Variants in PKD1L1 observed in about 807,000 individuals in gnomAD.
PKD1L1 encodes polycystin 1 like 1, transient receptor potential channel interacting.
A neutral mutation model predicts 323.4 loss-of-function variants in PKD1L1; 236 were observed. The observed-to-expected ratio is 0.73, with a 90% CI of 0.66 to 0.81. The LOEUF (loss-of-function observed/expected upper bound fraction) is 0.81. Among genes scored for constraint, PKD1L1 ranks in the 40% least tolerant of loss-of-function variants. The pLI, the probability that PKD1L1 is intolerant of heterozygous loss-of-function variation, is 0.00. For synonymous variants in PKD1L1, 1,344 were observed against 1,335.0 expected (o/e 1.01, Z -0.15); for missense variants, 3,320 against 3,508.0 (o/e 0.95, Z 1.35).
chr7:47,882,119 GA>G, intron 19 of PKD1L1, 34 bp from the exon 20 acceptor site: 2 of 1,598,764 alleles, frequency 1.3e-6, no homozygotes, highest in Non-Finnish European at 1.7e-6. Flanking sequence ...AGATGTTAAA[GA>G]AAAAAAGTCA....
At chr7:47,808,224 A>G (rs1321536386) in intron 52 of PKD1L1, 23 bp downstream of exon 52, 3 of 1,613,392 alleles carry the variant, frequency 1.9e-6, no homozygotes, top group Non-Finnish European at 2.5e-6. Context: ...CTCTATCTGC[A>G]TGGCCCTGAG....
chr7:47,805,533 T>C (rs932150430), intron 52 of PKD1L1, among the ~76,000 whole-genome samples: 8 of 152,234 alleles, frequency 5.3e-5, no homozygotes, highest in South Asian at 2.1e-4. Flanking sequence ...GACGGGTACA[T>C]GAGGGCACCT....
chr7:47,904,345 T>C (rs1787153648), intron 12 of PKD1L1, 33 bp downstream of exon 12: 4 of 1,613,184 alleles, frequency 2.5e-6, no homozygotes. Context: ...GCGCTGTCTG[T>C]AGAGAGCACT....
chr7:47,850,634 A>AAAG lies in PKD1L1; in HGVS notation c.4960+2492_4960+2493insCTT, dbSNP rs1419642213. ...GCAACAAGAGCAAGACTCTGTCTCA[A>AAAG]AAAAAAAAAAAAAAAAAAGGATAAA... On this transcript the variant is annotated intron_variant, in intron 31 of 56. Coordinates refer to ENST00000289672, the MANE Select transcript of PKD1L1 (RefSeq NM_138295.5). 2.7e-5 allele frequency among the ~76,000 whole-genome samples: 4 copies of AAAG among 148,946 alleles called. 1 individual carries two copies. The highest frequency in any genetic ancestry group is 4.5e-5 in the Non-Finnish European group (3 of 66,950).
At chr7:47,895,483 T>C (rs915519950) in intron 14 of PKD1L1, among the ~76,000 whole-genome samples, 3 of 151,964 alleles carry the variant, frequency 2.0e-5, no homozygotes, top group African/African-American at 4.8e-5. Context: ...GGCTAAGAAA[T>C]TGAAAGTAAG....
At chr7:47,900,363 T>C (rs1354620576) in intron 13 of PKD1L1, among the ~76,000 whole-genome samples, 1 of 152,226 alleles carries the variant, frequency 6.6e-6, no homozygotes, top group African/African-American at 2.4e-5. Flanking sequence ...CTATAACTTG[T>C]AGTAATTATT....
intron 21 of PKD1L1, among the ~76,000 whole-genome samples, chr7:47,878,834 G>T (rs1303618157): frequency 6.6e-6 from 1 of 152,206 alleles, no homozygotes; most frequent in African/African-American, 2.4e-5. Flanking sequence ...CAAGGCTGCG[G>T]GAGAGAAGGC....
chr7:47,874,092 T>C (rs1786348705), intron 23 of PKD1L1, 82 bp from the exon 24 acceptor site: 1 of 849,722 alleles, frequency 1.2e-6, no homozygotes, highest in Non-Finnish European at 1.9e-6. Context: ...CAGCATCTTC[T>C]GGATGACTAA....
At chr7:47,872,307 A>T (rs1786298904) in intron 24 of PKD1L1, among the ~76,000 whole-genome samples, 1 of 152,206 alleles carries the variant, frequency 6.6e-6, no homozygotes, top group African/African-American at 2.4e-5. Context: ...TCTAAAACTC[A>T]TATGGAAATA....
intron 4 of PKD1L1, 39 bp from the exon 5 acceptor site, chr7:47,932,095 G>A (rs567024813): frequency 2.3e-5 from 37 of 1,577,216 alleles, no homozygotes; most frequent in Admixed American, 1.1e-4. Context: ...AAGGAAACCC[G>A]GTCATGTTTC....
chr7:47,815,320 G>A lies in PKD1L1; in HGVS notation c.7089+14C>T, dbSNP rs1784991618. The A allele has an allele frequency of 1.2e-6, 2 of 1,612,042 alleles. No individual in the cohort carries two copies. The highest frequency in any genetic ancestry group is 1.1e-5 in the South Asian group (1 of 90,644). On this transcript the variant is annotated intron_variant, in intron 47 of 56. Coordinates refer to ENST00000289672, the MANE Select transcript of PKD1L1 (RefSeq NM_138295.5). ...CTGAGATGATCTCCTATGAAGAGGA[G>A]ACGGAAAGCTCACCTGAGCCCCCGG...
At chr7:47,875,524 G>A (rs887283545) in intron 23 of PKD1L1, among the ~76,000 whole-genome samples, 5 of 152,174 alleles carry the variant, frequency 3.3e-5, no homozygotes, top group African/African-American at 4.8e-5. Context: ...GCCTGGGTTT[G>A]CACATGTCAA....
chr7:47,829,511 C>T lies in PKD1L1; in HGVS notation c.6649G>A (p.Asp2217Asn). The change falls in exon 44 of 57, where the codon GAC (aspartate) becomes AAC (asparagine). Residue 2217 changes from aspartate to asparagine, a missense_variant. By Grantham distance (23) the Asp-to-Asn change is conservative. Transcript: ENST00000289672. ...CAGGAACGTTCTGCCAATTCAGAGT[C>T]CAGATCCCTGGTAGCCTCACATAAA... Reference protein sequence around the residue: ...ESLCEATRDLDSELAERSWTR... With the variant: ...ESLCEATRDLNSELAERSWTR... 1 of 1,614,130 alleles carries T rather than the reference C, an allele frequency of 6.2e-7. No homozygotes were observed. Among genetic ancestry groups the T allele is most frequent in the Non-Finnish European group, 8.5e-7 (1 of 1,180,020 alleles).
intron 53 of PKD1L1, among the ~76,000 whole-genome samples, chr7:47,801,497 A>G (rs1784661296): frequency 6.6e-6 from 1 of 152,198 alleles, no homozygotes; most frequent in South Asian, 2.1e-4. Context: ...CCTGGATGTC[A>G]GACCATCAGG....
upstream of PKD1L1, among the ~76,000 whole-genome samples, chr7:47,951,390 A>G (rs536855466): frequency 6.6e-6 from 1 of 152,358 alleles, no homozygotes. Context: ...TTTTTAAGCC[A>G]CATTCTGTAT....
chr7:47,957,860 A>AT, the PKD1L1 span, among the ~76,000 whole-genome samples: 18 of 124,182 alleles, frequency 1.4e-4, no homozygotes, highest in South Asian at 5.1e-4. Context: ...CAATTAAAAA[A>AT]AAATATATAT....
Position 47,940,263 on chromosome 7 carries a change from C to G in PKD1L1, c.215G>C (p.Trp72Ser). ...TTCTGCCTTTCCATTCAGAGCACAC[C>G]AAGGACAGCCACACTTCCCATCACT... Reference protein sequence around the residue: ...LMSDGKCGCPWCALNGKAEDR... With the variant: ...LMSDGKCGCPSCALNGKAEDR... The change falls in exon 3 of 57, where the codon TGG (tryptophan) becomes TCG (serine). Residue 72 changes from tryptophan (W) to serine (S), a missense_variant. Transcript: ENST00000289672. 2 of 1,613,870 alleles carry G rather than the reference C, an allele frequency of 1.2e-6. No individual in the cohort carries two copies. Among genetic ancestry groups the G allele is most frequent in the South Asian group, 2.2e-5 (2 of 91,070 alleles).
chr7:47,846,112 A>C (rs1785660659), intron 32 of PKD1L1, among the ~76,000 whole-genome samples: 1 of 152,238 alleles, frequency 6.6e-6, no homozygotes, highest in Admixed American at 6.5e-5. Context: ...CTACGGTATG[A>C]TCTGGATATA....
intron 44 of PKD1L1, 23 bp from the exon 45 acceptor site, chr7:47,827,491 G>A (rs1052662729): frequency 6.3e-7 from 1 of 1,588,016 alleles, no homozygotes; most frequent in Admixed American, 1.7e-5. Context: ...AGAGTGCTGT[G>A]AGCTGCGGGC....
Sources: allele counts gnomAD v4.1 joint callset (sites outside exome capture counted in the v4.1 genomes callset), GRCh38; gene constraint gnomAD v4.1.1; transcripts MANE v1.5; gene names NCBI Gene and HGNC (gene_info 2026-07-23, HGNC 2026-07-21).